SCHIP1: variants seen among roughly 807,000 people sequenced by gnomAD.
SCHIP1 encodes schwannomin-interacting protein 1.
Under a neutral mutation model 29.7 loss-of-function variants are expected in SCHIP1, and 8 were observed. That is an observed-to-expected ratio of 0.27 (90% CI 0.16 to 0.49). The LOEUF is 0.49. Among genes scored for constraint, SCHIP1 ranks in the 20% least tolerant of loss-of-function variants. The probability of loss-of-function intolerance (pLI) is 0.99; values close to 1 mark genes in which losing one functional copy is unlikely to be tolerated. For synonymous variants in SCHIP1, 76 were observed against 94.9 expected (o/e 0.80, Z 1.16); for missense variants, 193 against 294.6 (o/e 0.66, Z 2.52).
At chr3:159,437,291 G>C in the SCHIP1 span, among the ~76,000 whole-genome samples, 1 of 152,062 alleles carries the variant, frequency 6.6e-6, no homozygotes, top group Non-Finnish European at 1.5e-5. Context: ...TTCTACCTTA[G>C]CCAAAGTTGG....
At chr3:159,549,353 G>A in the SCHIP1 span, among the ~76,000 whole-genome samples, 1 of 152,152 alleles carries the variant, frequency 6.6e-6, no homozygotes, top group East Asian at 1.9e-4. Flanking sequence ...TGGTCTAAAT[G>A]TTTGTGTCCC....
At chr3:159,588,480 T>C in the SCHIP1 span, among the ~76,000 whole-genome samples, 39 of 152,350 alleles carry the variant, frequency 2.6e-4, no homozygotes, top group African/African-American at 8.7e-4. Flanking sequence ...TTAGATCCCA[T>C]TTGTCAATTT....
chr3:159,436,154 A>G, the SCHIP1 span, among the ~76,000 whole-genome samples: 1 of 152,176 alleles, frequency 6.6e-6, no homozygotes, highest in Non-Finnish European at 1.5e-5. Flanking sequence ...CAGCATTGGT[A>G]TCCAAATAAT....
At chr3:159,690,411 A>G in the SCHIP1 span, among the ~76,000 whole-genome samples, 6 of 152,208 alleles carry the variant, frequency 3.9e-5, no homozygotes, top group African/African-American at 1.4e-4. Context: ...CTCTGATGGT[A>G]GTTTGTATTT....
the SCHIP1 span, among the ~76,000 whole-genome samples, chr3:159,475,528 T>C: frequency 2.6e-5 from 4 of 152,244 alleles, no homozygotes; most frequent in African/African-American, 9.6e-5. Flanking sequence ...TCTGAGACTA[T>C]ACTGAATACT....
the SCHIP1 span, among the ~76,000 whole-genome samples, chr3:159,414,585 A>G: frequency 3.9e-5 from 6 of 152,144 alleles, no homozygotes; most frequent in Admixed American, 3.9e-4. Flanking sequence ...TATTATCAAC[A>G]ACATATAGAA....
chr3:159,808,787 C>A, the SCHIP1 span, among the ~76,000 whole-genome samples: 1 of 151,954 alleles, frequency 6.6e-6, no homozygotes, highest in Admixed American at 6.6e-5. Context: ...CTAATTACCC[C>A]CCTCTACTAA....
At chr3:159,422,129 T>C in the SCHIP1 span, among the ~76,000 whole-genome samples, 1 of 152,148 alleles carries the variant, frequency 6.6e-6, no homozygotes, top group East Asian at 1.9e-4. Flanking sequence ...TCTGTAGATA[T>C]TTTGTCTGGT....
the SCHIP1 span, among the ~76,000 whole-genome samples, chr3:159,598,736 A>G: frequency 6.6e-6 from 1 of 152,180 alleles, no homozygotes; most frequent in Non-Finnish European, 1.5e-5. Context: ...AAGGAGTTTC[A>G]TTAAGCAATA....
chr3:159,648,843 C>T, the SCHIP1 span, among the ~76,000 whole-genome samples: 1 of 151,840 alleles, frequency 6.6e-6, no homozygotes, highest in Non-Finnish European at 1.5e-5. Flanking sequence ...CTGTTCACGG[C>T]CTCTCTCTGG....
At chr3:159,676,939 A>T in the SCHIP1 span, among the ~76,000 whole-genome samples, 1 of 152,324 alleles carries the variant, frequency 6.6e-6, no homozygotes, top group East Asian at 1.9e-4. Context: ...CGTCTACAGC[A>T]ACACATTACA....
At chr3:159,580,627 AG>A in the SCHIP1 span, among the ~76,000 whole-genome samples, 2 of 152,232 alleles carry the variant, frequency 1.3e-5, no homozygotes, top group African/African-American at 4.8e-5. Flanking sequence ...GCTAGAAAAA[AG>A]ATGCCTGCTT....
At chr3:159,812,297 A>C in the SCHIP1 span, among the ~76,000 whole-genome samples, 1 of 152,060 alleles carries the variant, frequency 6.6e-6, no homozygotes, top group Admixed American at 6.6e-5. Flanking sequence ...TAAGTCTTGC[A>C]CTTCTTTTGT....
chr3:159,599,513 ATTC>A, the SCHIP1 span, among the ~76,000 whole-genome samples: 2 of 152,120 alleles, frequency 1.3e-5, no homozygotes, highest in Non-Finnish European at 2.9e-5. Flanking sequence ...TTGGTTTTCC[ATTC>A]CTGAGTTATA....
At chr3:159,708,612 T>C in the SCHIP1 span, among the ~76,000 whole-genome samples, 44,095 of 152,114 alleles carry the variant, frequency 0.29, 9,432 homozygotes, top group African/African-American at 0.6. Context: ...GCACCAATGG[T>C]CCACTCAAAG....
At chr3:159,494,474 A>G in the SCHIP1 span, among the ~76,000 whole-genome samples, 1 of 152,178 alleles carries the variant, frequency 6.6e-6, no homozygotes, top group Non-Finnish European at 1.5e-5. Flanking sequence ...TACTATAAAC[A>G]CCTCTACGCA....
At chr3:159,524,413 C>T in the SCHIP1 span, among the ~76,000 whole-genome samples, 1 of 152,200 alleles carries the variant, frequency 6.6e-6, no homozygotes, top group Admixed American at 6.5e-5. Context: ...AGCCAAGTCC[C>T]CTCTCAAACT....
At chr3:159,526,536 C>T in the SCHIP1 span, among the ~76,000 whole-genome samples, 1 of 152,132 alleles carries the variant, frequency 6.6e-6, no homozygotes, top group African/African-American at 2.4e-5. Context: ...TCATTTGTTC[C>T]TAGGTCTTTA....
At chr3:159,540,356 G>T in the SCHIP1 span, among the ~76,000 whole-genome samples, 1 of 152,006 alleles carries the variant, frequency 6.6e-6, no homozygotes, top group Non-Finnish European at 1.5e-5. Flanking sequence ...CAGCAATGTA[G>T]CCAAAAAGGG....
Sources: gnomAD v4.1 joint callset for allele counts (sites outside exome capture counted in the v4.1 genomes callset) on GRCh38, gnomAD v4.1.1 for gene constraint, MANE v1.5 for transcripts, NCBI Gene and HGNC (gene_info 2026-07-23, HGNC 2026-07-21) for gene names.